The following TRAIP variants were observed in gnomAD, a reference collection of about 807,000 sequenced individuals.
The protein encoded by TRAIP is E3 ubiquitin-protein ligase TRAIP.
TRAIP carries 37 observed loss-of-function variants against 65.0 expected under a neutral mutation model. That is an observed-to-expected ratio of 0.57 (90% CI 0.44 to 0.75). The LOEUF (loss-of-function observed/expected upper bound fraction) is 0.75, where lower values mean the gene tolerates loss of function less well. Among genes scored for constraint, TRAIP ranks in the 30% least tolerant of loss-of-function variants. The probability of loss-of-function intolerance (pLI) is 0.00; values close to 1 mark genes in which losing one functional copy is unlikely to be tolerated. For synonymous variants in TRAIP, 187 were observed against 219.1 expected, an observed-to-expected ratio of 0.85 and a Z score of 1.29; for missense variants, 481 against 579.4, an observed-to-expected ratio of 0.83 and a Z score of 1.74.
chr3:49,846,730 T>G (rs988842058), intron 3 of TRAIP, among the ~76,000 whole-genome samples: 5 of 152,140 alleles, frequency 3.3e-5, no homozygotes, highest in Non-Finnish European at 5.9e-5. Context: ...ACCCTCCACT[T>G]ATGTGGAAAT....
chr3:49,830,798 G>A (rs1225246949), intron 11 of TRAIP, among the ~76,000 whole-genome samples: 1 of 152,368 alleles, frequency 6.6e-6, no homozygotes, highest in South Asian at 2.1e-4. Flanking sequence ...AAGGACAAGA[G>A]TGGGATCAGG....
intron 5 of TRAIP, 40 bp downstream of exon 5, chr3:49,843,761 C>G (rs1475794168): frequency 3.1e-6 from 5 of 1,591,814 alleles, no homozygotes; most frequent in African/African-American, 2.7e-5. Flanking sequence ...GGGGCAATAC[C>G]TCCCTATGAA....
At chr3:49,856,303 G>T in intron 1 of TRAIP, 53 bp downstream of exon 1, 1 of 1,515,106 alleles carries the variant, frequency 6.6e-7, no homozygotes, top group Non-Finnish European at 9.1e-7. Context: ...ACACCTCAAG[G>T]CCCTGAAGCG....
rs1425830547 is a variant in TRAIP at position 49,829,147 on chromosome 3, G to A, written c.1366C>T (p.Pro456Ser). The change falls in exon 15 of 15, where the codon CCT (proline) becomes TCT (serine). Residue 456 changes from proline to serine, a missense_variant. Pro to Ser is a moderately conservative substitution (Grantham distance 74). Coordinates refer to ENST00000331456, the MANE Select transcript of TRAIP (RefSeq NM_005879.3). Reference sequence around the variant, plus strand: ...TCCAGCTTGGCCTGGAAGAGAGAAGGCACTGTCTTCACCCTCACCCTCTGC... The same window carrying A: ...TCCAGCTTGGCCTGGAAGAGAGAAGACACTGTCTTCACCCTCACCCTCTGC... ...VKQRVRVKTV[P>S]SLFQAKLDTF... 1.2e-6 allele frequency: 2 copies of A among 1,614,244 alleles called. No homozygotes were observed. Among genetic ancestry groups the A allele is most frequent in the Admixed American group, 1.7e-5 (1 of 60,028 alleles).
intron 3 of TRAIP, among the ~76,000 whole-genome samples, chr3:49,846,263 C>T (rs889158087): frequency 6.6e-6 from 1 of 151,930 alleles, no homozygotes; most frequent in Non-Finnish European, 1.5e-5. Flanking sequence ...GATGGGGTCC[C>T]ATGTTGCTCA....
intron 5 of TRAIP, 165 bp downstream of exon 5, chr3:49,843,636 A>G (rs987036955): frequency 9.0e-6 from 8 of 884,874 alleles, no homozygotes; most frequent in Non-Finnish European, 1.2e-5. Context: ...ATGGATGGGT[A>G]CAGTATGGAA....
intron 8 of TRAIP, 198 bp from the exon 9 acceptor site, chr3:49,840,571 A>C: frequency 1.7e-6 from 1 of 583,128 alleles, no homozygotes; most frequent in Non-Finnish European, 3.1e-6. Context: ...TGCTTCCTAC[A>C]TCCTGCAGCC....
chr3:49,839,166 C>T (rs1338060686), intron 10 of TRAIP, among the ~76,000 whole-genome samples: 1 of 147,628 alleles, frequency 6.8e-6, no homozygotes, highest in Non-Finnish European at 1.5e-5. Context: ...TCCAGCCTGG[C>T]AACAGAGTAA....
rs371932486 is a variant in TRAIP, at chr3:49,847,478, C to T, written c.240+47G>A. On this transcript the variant is annotated intron_variant, in intron 3 of 14. Coordinates refer to ENST00000331456, the MANE Select transcript of TRAIP (RefSeq NM_005879.3). The stretch of plus-strand genomic sequence containing the variant: ...AAAGAAAAGAAAAAAGAAAAGTGAA[C>T]TCGCACAAGGCTTGGAGTTCAGTAG... The T allele has an allele frequency of 5.7e-6, 7 of 1,229,544 alleles. No homozygotes were observed. In the African/African-American group the frequency reaches 6.2e-5, roughly 11 times the overall value. The allele number at this position is 1,229,544 out of a possible 1,614,324, so 76.2% of individuals were successfully genotyped here.
At chr3:49,834,903 A>G (rs2108311885) in intron 10 of TRAIP, among the ~76,000 whole-genome samples, 1 of 152,344 alleles carries the variant, frequency 6.6e-6, no homozygotes, top group African/African-American at 2.4e-5. Flanking sequence ...ATGCTTGCAA[A>G]TTTAAAACAT....
chr3:49,840,817 A>G (rs1270141284), intron 8 of TRAIP, among the ~76,000 whole-genome samples, 168 bp downstream of exon 8: 2 of 152,182 alleles, frequency 1.3e-5, no homozygotes, highest in Non-Finnish European at 2.9e-5. Context: ...CAAGCCACAT[A>G]TTCAGGCCAA....
intron 3 of TRAIP, 76 bp downstream of exon 3, chr3:49,847,449 A>T: frequency 1.1e-6 from 1 of 905,608 alleles, no homozygotes; most frequent in Non-Finnish European, 1.7e-6. Flanking sequence ...GAAGAGAAAA[A>T]AGAAAAGAAA....
At chr3:49,840,655 A>G in intron 8 of TRAIP, 1 of 557,750 alleles carries the variant, frequency 1.8e-6, no homozygotes, top group South Asian at 2.2e-5. Context: ...TCTACTCCAG[A>G]TGTGGTACAA....
intron 14 of TRAIP, 39 bp downstream of exon 14, chr3:49,829,419 C>T (rs767536494): frequency 6.2e-7 from 1 of 1,613,944 alleles, no homozygotes; most frequent in South Asian, 1.1e-5. Flanking sequence ...GTATGGGCTC[C>T]ACAGTTCAGC....
Position 49,856,519 on chromosome 3 carries a change from C to G in TRAIP, c.-66G>C. ...CTACAGGTCCGGCTTCGTAGACGCG[C>G]CCCCGCGCCTCCGCTTGCTTCAAAT... On this transcript the variant is annotated 5_prime_UTR_variant, in exon 1 of 15. Coordinates refer to ENST00000331456, the MANE Select transcript of TRAIP (RefSeq NM_005879.3). 6.9e-7 allele frequency: 1 copy of G among 1,443,078 alleles called. No individual in the cohort carries two copies. Among genetic ancestry groups the G allele is most frequent in the Admixed American group, 1.9e-5 (1 of 51,452 alleles). The allele number at this position is 1,443,078 out of a possible 1,614,324, so 89.4% of individuals were successfully genotyped here.
Position 49,828,927 on chromosome 3 carries a change from A to G in TRAIP, c.*176T>C, listed in dbSNP as rs879188614. 13 of 802,584 alleles carry G rather than the reference A, an allele frequency of 1.6e-5. 1 individual carries two copies. In the South Asian group the frequency reaches 2.0e-4, roughly 13 times the overall value. The allele number at this position is 802,584 out of a possible 1,614,324, so 49.7% of individuals were successfully genotyped here. The stretch of plus-strand genomic sequence containing the variant: ...CAGCTCCCAGTCGTAGGAGTGGGGC[A>G]GGGTGAGGGCAGGAAGAGCAGTCTC... On this transcript the variant is annotated 3_prime_UTR_variant, in exon 15 of 15. Transcript: ENST00000331456.
chr3:49,849,760 G>A (rs2081915110), intron 1 of TRAIP, among the ~76,000 whole-genome samples: 1 of 151,912 alleles, frequency 6.6e-6, no homozygotes. Flanking sequence ...TAGGGACCAG[G>A]GAGAAACTAA....
At chr3:49,843,590 C>A in intron 5 of TRAIP, 1 of 578,194 alleles carries the variant, frequency 1.7e-6, no homozygotes. Context: ...AGTACAAAAC[C>A]CACAAGTATA....
intron 14 of TRAIP, 46 bp downstream of exon 14, chr3:49,829,412 T>C: frequency 1.9e-6 from 3 of 1,613,850 alleles, no homozygotes; most frequent in Non-Finnish European, 2.5e-6. Context: ...AGGCATAGTA[T>C]GGGCTCCACA....
Sources: gnomAD v4.1 joint callset for allele counts (sites outside exome capture counted in the v4.1 genomes callset) on GRCh38, gnomAD v4.1.1 for gene constraint, MANE v1.5 for transcripts, NCBI Gene and HGNC (gene_info 2026-07-23, HGNC 2026-07-21) for gene names.